EVL: variants seen among roughly 807,000 people sequenced by gnomAD.
The protein encoded by EVL is Enah/Vasp-like, also known as ena/VASP-like protein.
In EVL, 21 loss-of-function variants were observed where a neutral mutation model predicts 59.6. That is an observed-to-expected ratio of 0.35 (90% CI 0.25 to 0.51). The LOEUF (loss-of-function observed/expected upper bound fraction) is 0.51, where lower values mean the gene tolerates loss of function less well. Among genes scored for constraint, EVL ranks in the 20% least tolerant of loss-of-function variants. The pLI, the probability that EVL is intolerant of heterozygous loss-of-function variation, is 0.97. For synonymous variants in EVL, 198 were observed against 203.5 expected, an observed-to-expected ratio of 0.97 and a Z score of 0.23; for missense variants, 462 against 546.6, an observed-to-expected ratio of 0.85 and a Z score of 1.54.
intron 1 of EVL, among the ~76,000 whole-genome samples, chr14:100,044,003 A>AT (rs1159771441): frequency 6.6e-6 from 1 of 152,166 alleles, no homozygotes; most frequent in East Asian, 1.9e-4. Context: ...ACCCGCCCAC[A>AT]TTGAGGGTAG....
At chr14:100,020,459 G>A (rs1230425245) in intron 1 of EVL, among the ~76,000 whole-genome samples, 1 of 151,428 alleles carries the variant, frequency 6.6e-6, no homozygotes, top group East Asian at 1.9e-4. Flanking sequence ...ACATATGGAA[G>A]AGAGTGTGTG....
At position 100,137,803 on chromosome 14, in the gene EVL, G is replaced by A; in HGVS notation, c.1094+1G>A. On this transcript the variant is annotated splice_donor_variant, in intron 11 of 13. Transcript: ENST00000392920. LOFTEE classifies it high-confidence loss of function. The stretch of plus-strand genomic sequence containing the variant: ...CCCTTCAGTCGCAGCCTCACTCTAG[G>A]TACCGAACAACCCTCCTGCTCACAT... 1 of 1,614,058 alleles carries A rather than the reference G, an allele frequency of 6.2e-7. No homozygotes were observed. The highest frequency in any genetic ancestry group is 8.5e-7 in the Non-Finnish European group (1 of 1,180,010).
intron 1 of EVL, among the ~76,000 whole-genome samples, chr14:99,995,217 C>T (rs2060905468): frequency 6.6e-6 from 1 of 152,196 alleles, no homozygotes; most frequent in Non-Finnish European, 1.5e-5. Flanking sequence ...TTTAGGCTCT[C>T]TGCCTCTTTG....
intron 3 of EVL, among the ~76,000 whole-genome samples, chr14:100,112,538 A>G (rs1034219175): frequency 6.6e-6 from 1 of 152,040 alleles, no homozygotes; most frequent in African/African-American, 2.4e-5. Flanking sequence ...GTCTTTCTGA[A>G]CTCACTTCCT....
intron 1 of EVL, among the ~76,000 whole-genome samples, chr14:100,081,122 C>CAAT (rs1241790898): frequency 6.6e-6 from 1 of 151,908 alleles, no homozygotes; most frequent in African/African-American, 2.4e-5. Context: ...TCTACAATAA[C>CAAT]AATAATAATA....
intron 1 of EVL, among the ~76,000 whole-genome samples, chr14:100,024,258 C>T (rs1228367844): frequency 6.6e-6 from 1 of 152,104 alleles, no homozygotes. Flanking sequence ...TTTTCTTGCC[C>T]TTTCACTGGA....
At chr14:100,025,885 G>A (rs1419208424) in intron 1 of EVL, among the ~76,000 whole-genome samples, 2 of 152,082 alleles carry the variant, frequency 1.3e-5, no homozygotes, top group African/African-American at 2.4e-5. Context: ...ACGGTGAGCC[G>A]AGATCGGGCC....
intron 1 of EVL, chr14:99,974,193 A>G (rs2060754325): frequency 6.6e-6 from 1 of 152,250 alleles, no homozygotes; most frequent in South Asian, 2.1e-4. Context: ...CCATTACCAC[A>G]TCTAATTTTA....
chr14:100,138,057 C>G, intron 11 of EVL: 1 of 579,984 alleles, frequency 1.7e-6, no homozygotes, highest in Non-Finnish European at 3.1e-6. Flanking sequence ...GGGGGGCCAA[C>G]ATGGAGTCCC....
At chr14:100,017,626 A>G (rs757889871) in intron 1 of EVL, among the ~76,000 whole-genome samples, 6 of 152,352 alleles carry the variant, frequency 3.9e-5, no homozygotes, top group East Asian at 1.9e-4. Flanking sequence ...TAGCTTGTCA[A>G]TGATCACAGA....
intron 1 of EVL, among the ~76,000 whole-genome samples, chr14:100,014,060 T>C (rs547778883): frequency 6.6e-6 from 1 of 152,334 alleles, no homozygotes; most frequent in African/African-American, 2.4e-5. Flanking sequence ...TTTAGTTATT[T>C]TTAAATGTAC....
Position 100,143,432 on chromosome 14 carries a change from CCACAGGCAGGG to C in EVL, c.1220-261_1220-251del, listed in dbSNP as rs778123193. On this transcript the variant is annotated intron_variant, in intron 13 of 13. Transcript: ENST00000392920. ...CCAGCACTCCTCAGCAGCAGTGAGG[CCACAGGCAGGG>C]CACAGGCCTCTGTCCCTACGCCAGG... is the stretch of plus-strand genomic sequence containing the variant. 5.8e-4 allele frequency among the ~76,000 whole-genome samples: 89 copies of C among 152,288 alleles called. 1 individual carries two copies. Among genetic ancestry groups the C allele is most frequent in the Non-Finnish European group, 1.1e-3 (73 of 68,002 alleles).
At chr14:100,133,236 G>T (rs1888552657) in intron 8 of EVL, among the ~76,000 whole-genome samples, 1 of 152,308 alleles carries the variant, frequency 6.6e-6, no homozygotes, top group Non-Finnish European at 1.5e-5. Context: ...TGGCAAAGGA[G>T]CCCTGGACCC....
intron 1 of EVL, among the ~76,000 whole-genome samples, chr14:100,003,833 A>T (rs909781715): frequency 6.6e-6 from 1 of 152,238 alleles, no homozygotes; most frequent in African/African-American, 2.4e-5. Context: ...TGTTAGACCA[A>T]TTACCAAAAG....
At chr14:100,019,777 G>T (rs887965991) in intron 1 of EVL, 1 of 1,295,978 alleles carries the variant, frequency 7.7e-7, no homozygotes, top group South Asian at 1.4e-5. Context: ...GCTCTGGCTG[G>T]TTCTCACAAA....
chr14:100,060,466 C>G (rs1205204438), upstream of EVL, among the ~76,000 whole-genome samples: 2 of 150,520 alleles, frequency 1.3e-5, no homozygotes, highest in Non-Finnish European at 3.0e-5. Flanking sequence ...AGTGAAAATT[C>G]TACTACTGGA....
chr14:100,061,509 A>G (rs1210439339), upstream of EVL, among the ~76,000 whole-genome samples: 2 of 144,518 alleles, frequency 1.4e-5, no homozygotes, highest in African/African-American at 2.6e-5. Flanking sequence ...GTGCTCGGGG[A>G]TGGATAAAGA....
At chr14:100,102,411 A>G in intron 3 of EVL, 2 of 455,742 alleles carry the variant, frequency 4.4e-6, no homozygotes, top group Non-Finnish European at 8.8e-6. Context: ...GAGGATAAGT[A>G]CACCTCCTTG....
chr14:100,042,018 T>G (rs2061474717), intron 1 of EVL, among the ~76,000 whole-genome samples: 1 of 152,204 alleles, frequency 6.6e-6, no homozygotes. Flanking sequence ...AAATATTTAA[T>G]AACCATATGA....
Sources: gnomAD v4.1 joint callset for allele counts (sites outside exome capture counted in the v4.1 genomes callset) on GRCh38, gnomAD v4.1.1 for gene constraint, MANE v1.5 for transcripts, NCBI Gene and HGNC (gene_info 2026-07-23, HGNC 2026-07-21) for gene names.